RAB40B: variants seen among roughly 807,000 people sequenced by gnomAD.
The protein encoded by RAB40B is ras-related protein Rab-40B.
A neutral mutation model predicts 24.0 loss-of-function variants in RAB40B; 21 were observed. The observed-to-expected ratio is 0.88, with a 90% CI of 0.62 to 1.26. The LOEUF (loss-of-function observed/expected upper bound fraction) is 1.26. Ranked by LOEUF, RAB40B falls within the 50% of genes most tolerant of loss-of-function variation. The pLI, the probability that RAB40B is intolerant of heterozygous loss-of-function variation, is 0.00. For synonymous variants in RAB40B, 167 were observed against 169.8 expected, an observed-to-expected ratio of 0.98 and a Z score of 0.13; for missense variants, 348 against 390.5, an observed-to-expected ratio of 0.89 and a Z score of 0.92.
chr17:82,659,329 AG>A (rs2046130984), intron 4 of RAB40B: 2 of 507,144 alleles, frequency 3.9e-6, no homozygotes, highest in Non-Finnish European at 7.1e-6. Flanking sequence ...CCCCACGCAT[AG>A]CCGAGGTACG....
chr17:82,679,293 A>AT (rs1306015445), intron 1 of RAB40B, among the ~76,000 whole-genome samples: 2 of 147,222 alleles, frequency 1.4e-5, no homozygotes, highest in African/African-American at 2.5e-5. Context: ...ATTTTATTTT[A>AT]TTTTTTGAGA....
At chr17:82,674,800 G>C (rs892915337) in intron 1 of RAB40B, among the ~76,000 whole-genome samples, 1 of 152,078 alleles carries the variant, frequency 6.6e-6, no homozygotes, top group African/African-American at 2.4e-5. Context: ...TTCCTCACCA[G>C]GTGGGAAGAA....
At position 82,663,118 on chromosome 17, in the gene RAB40B, C is replaced by A. The variant is rs113324417; in HGVS notation, c.203+1378G>T. Among the ~76,000 whole-genome samples, 48 of 152,234 alleles carry A rather than the reference C, an allele frequency of 3.2e-4. No homozygotes were observed. Among genetic ancestry groups the A allele is most frequent in the African/African-American group, 1.1e-3 (46 of 41,536 alleles). On this transcript the variant is annotated intron_variant, in intron 2 of 5. Transcript: ENST00000571995. The surrounding 1 kb of genome is among the most constrained non-coding windows in gnomAD (Gnocchi z 6.2). ...ACGCCAGCCCAGCGAGGGCATGGCC[C>A]CGGGGGAGTGGGGACCTGAGAGCAG...
Position 82,657,973 on chromosome 17 carries a change from G to C in RAB40B, c.727C>G (p.Leu243Val). Residue 243 changes from leucine (L) to valine (V), a missense_variant, in exon 6 of 6, where the codon CTC becomes GTC. This residue lies in a region of RAB40B where 121 missense variants were observed against 124.0 expected (regional missense o/e 0.98). Transcript: ENST00000571995. ...CTTTTGTGGGTGGAGCTGGTGGTGA[G>C]GGAGTAGGAACCGCCGTGCATCATC... ...ARMMHGGSYS[L>V]TTSSTHKRSS... The C allele has an allele frequency of 6.2e-7, 1 of 1,614,190 alleles. No individual in the cohort carries two copies. The highest frequency in any genetic ancestry group is 8.5e-7 in the Non-Finnish European group (1 of 1,180,036).
chr17:82,661,346 T>C (rs552895291), intron 2 of RAB40B: 1 of 1,069,250 alleles, frequency 9.4e-7, no homozygotes, highest in Non-Finnish European at 1.2e-6. Flanking sequence ...AAAAAACTTG[T>C]TGAATCTGAA....
At chr17:82,674,351 A>G (rs2046372720) in intron 1 of RAB40B, among the ~76,000 whole-genome samples, 1 of 133,806 alleles carries the variant, frequency 7.5e-6, no homozygotes, top group Admixed American at 7.6e-5. Flanking sequence ...AAAAGAAAAG[A>G]CCAGGCGTGG....
intron 1 of RAB40B, among the ~76,000 whole-genome samples, chr17:82,690,210 A>G (rs1346447146): frequency 2.0e-5 from 3 of 150,980 alleles, no homozygotes; most frequent in South Asian, 2.1e-4. Flanking sequence ...CCAGGGGAAG[A>G]TCTGCAGAAT....
At chr17:82,688,704 C>G (rs2046527268) in intron 1 of RAB40B, among the ~76,000 whole-genome samples, 1 of 152,188 alleles carries the variant, frequency 6.6e-6, no homozygotes, top group South Asian at 2.1e-4. Flanking sequence ...GAGGCTGAGG[C>G]AGGTGGATCA....
rs919649230 is a variant in RAB40B, at chr17:82,656,365, C to T, written c.*1498G>A. ...TTTGCGACCCCCAGCCACAGAGAAACGTTCAACAGTGTGACCAGGGAAGAG... is the reference window on the plus strand; with the variant it reads ...TTTGCGACCCCCAGCCACAGAGAAATGTTCAACAGTGTGACCAGGGAAGAG... On this transcript the variant is annotated 3_prime_UTR_variant, in exon 6 of 6. Transcript: ENST00000571995. 2 of 152,202 alleles carry T rather than the reference C, an allele frequency of 1.3e-5. No homozygotes were observed. The highest frequency in any genetic ancestry group is 6.5e-5 in the Admixed American group (1 of 15,272). The allele number at this position is 152,202 out of a possible 1,614,324, so 9.4% of individuals were successfully genotyped here.
chr17:82,663,579 G>T lies in RAB40B; in HGVS notation c.203+917C>A, dbSNP rs994550373. Among the ~76,000 whole-genome samples the T allele has an allele frequency of 6.6e-6, 1 of 151,964 alleles. No homozygotes were observed. The highest frequency in any genetic ancestry group is 1.5e-5 in the Non-Finnish European group (1 of 67,944). The stretch of plus-strand genomic sequence containing the variant: ...GCTTGCCCCAAGGTGAGGAGCTGGG[G>T]TTCTCACAGCTGAGAGAGCAGAGCC... On this transcript the variant is annotated intron_variant, in intron 2 of 5. Transcript: ENST00000571995. This position sits in a 1 kb window ranked among gnomAD's most constrained non-coding sequence, Gnocchi z 6.2.
chr17:82,671,955 T>C (rs370825483), intron 1 of RAB40B, among the ~76,000 whole-genome samples: 45 of 226 alleles, frequency 0.2, no homozygotes, highest in East Asian at 0.5. Context: ...CAGCTCACCC[T>C]GTAACTCTAA....
At chr17:82,695,197 C>CTT (rs544874715) in intron 1 of RAB40B, among the ~76,000 whole-genome samples, 2 of 140,786 alleles carry the variant, frequency 1.4e-5, no homozygotes, top group African/African-American at 2.7e-5. Flanking sequence ...TTCTTTCTTT[C>CTT]TTTTTTTTTT....
chr17:82,698,588 G>A lies in RAB40B; in HGVS notation c.9C>T (p.Ala3=). The A allele has an allele frequency of 6.8e-7, 1 of 1,466,216 alleles. No individual in the cohort carries two copies. The highest frequency in any genetic ancestry group is 9.1e-7 in the Non-Finnish European group (1 of 1,095,592). 90.8% of individuals were successfully genotyped at this position (1,466,216 alleles called of 1,614,324 possible). A position where few individuals can be genotyped will look rare whatever the true frequency, so the allele number is the denominator to read the frequency against. Residue 3 remains alanine (A), a synonymous_variant, in exon 1 of 6, where the codon GCC becomes GCT. Coordinates refer to ENST00000571995, the MANE Select transcript of RAB40B (RefSeq NM_006822.3). MS[A]LGSPVRAYDF... ...CGTAGGCCCGGACCGGGCTGCCCAG[G>A]GCGCTCATCGTGACGGCCCGGCGCC...
In RAB40B at chr17:82,656,480, C is replaced by T. The variant is rs1410698952; in HGVS notation, c.*1383G>A. The T allele has an allele frequency of 1.3e-5, 2 of 152,090 alleles. No individual in the cohort carries two copies. The highest frequency in any genetic ancestry group is 4.8e-5 in the African/African-American group (2 of 41,390). 9.4% of individuals were successfully genotyped at this position (152,090 alleles called of 1,614,324 possible). A position where few individuals can be genotyped will look rare whatever the true frequency, so the allele number is the denominator to read the frequency against. On this transcript the variant is annotated 3_prime_UTR_variant, in exon 6 of 6. Transcript: ENST00000571995. ...TCATGCGGAATTCCTGACAGCCCCT[C>T]GGAGCTCCTCACCGAGGCTCAGGAG...
At chr17:82,678,348 A>G (rs145310413) in intron 1 of RAB40B, among the ~76,000 whole-genome samples, 1,735 of 152,340 alleles carry the variant, frequency 0.011, 101 homozygotes, top group Admixed American at 0.094. Flanking sequence ...CAAAGCTTCT[A>G]GAACAAAGCC....
In RAB40B at chr17:82,658,561, C is replaced by G. The variant is rs780395199; in HGVS notation, c.495G>C (p.Glu165Asp). ...VSPLCNFNIT[E>D]SFTELARIVL... ...CGATCCTGGCCAGCTCCGTGAACGACTCTGTGATGTTGAAATTGCACAGAG... is the reference window on the plus strand; with the variant it reads ...CGATCCTGGCCAGCTCCGTGAACGAGTCTGTGATGTTGAAATTGCACAGAG... The change falls in exon 5 of 6, where the codon GAG (glutamate) becomes GAC (aspartate). Residue 165 changes from glutamate to aspartate, a missense_variant. Physicochemically the swap from Glu to Asp is conservative, Grantham distance 45. Around this residue, in one of 3 missense-constraint regions of RAB40B, gnomAD observed 126 missense variants for 181.0 expected, o/e 0.70. Transcript: ENST00000571995. 1 of 1,613,486 alleles carries G rather than the reference C, an allele frequency of 6.2e-7. No homozygotes were observed. Among genetic ancestry groups the G allele is most frequent in the Non-Finnish European group, 8.5e-7 (1 of 1,179,990 alleles).
intron 1 of RAB40B, among the ~76,000 whole-genome samples, chr17:82,670,199 T>C (rs1453999720): frequency 2.0e-5 from 3 of 148,600 alleles, no homozygotes; most frequent in Non-Finnish European, 3.0e-5. Flanking sequence ...TTTTTTTTTT[T>C]TTTTGAGACA....
intron 1 of RAB40B, among the ~76,000 whole-genome samples, chr17:82,690,868 G>A (rs1005077846): frequency 6.6e-6 from 1 of 151,944 alleles, no homozygotes; most frequent in East Asian, 1.9e-4. Context: ...GGAGAGAGAC[G>A]GAGTGTGCAC....
At chr17:82,688,534 T>A (rs548695471) in intron 1 of RAB40B, among the ~76,000 whole-genome samples, 4 of 151,772 alleles carry the variant, frequency 2.6e-5, no homozygotes, top group African/African-American at 9.7e-5. Context: ...GAGAAGTGCT[T>A]GAAGCCGGGA....
Sources: allele counts gnomAD v4.1 joint callset (sites outside exome capture counted in the v4.1 genomes callset), GRCh38; gene constraint gnomAD v4.1.1; regional missense constraint gnomAD v4.1.1; non-coding constraint Gnocchi (gnomAD v3.1); transcripts MANE v1.5; gene names NCBI Gene and HGNC (gene_info 2026-07-23, HGNC 2026-07-21).